The following DHX33 variants were observed in gnomAD, a reference collection of about 807,000 sequenced individuals.
The protein encoded by DHX33 is ATP-dependent RNA helicase DHX33.
DHX33 carries 42 observed loss-of-function variants against 72.5 expected under a neutral mutation model. That is an observed-to-expected ratio of 0.58 (90% CI 0.45 to 0.75). The LOEUF is 0.75. Ranked by LOEUF, DHX33 falls within the 30% of genes least tolerant of loss-of-function variation. The probability of loss-of-function intolerance (pLI) is 0.00; values close to 1 mark genes in which losing one functional copy is unlikely to be tolerated. For synonymous variants in DHX33, 358 were observed against 366.1 expected (o/e 0.98, Z 0.25); for missense variants, 842 against 917.5 (o/e 0.92, Z 1.06).
At chr17:5,453,234 C>T (rs1050150289) in intron 8 of DHX33, among the ~76,000 whole-genome samples, 2 of 152,238 alleles carry the variant, frequency 1.3e-5, no homozygotes, top group South Asian at 2.1e-4. Flanking sequence ...CAGAATCTAT[C>T]GTTTCATAGC....
At chr17:5,448,730 GC>G in intron 11 of DHX33, 78 bp downstream of exon 11, 1 of 1,020,976 alleles carries the variant, frequency 9.8e-7, no homozygotes, top group Non-Finnish European at 1.4e-6. Flanking sequence ...ATAATCACTA[GC>G]AATAAGCAAC....
chr17:5,463,331 G>A (rs1378276773), intron 2 of DHX33, among the ~76,000 whole-genome samples, 198 bp downstream of exon 2: 3 of 152,186 alleles, frequency 2.0e-5, no homozygotes, highest in Admixed American at 1.3e-4. Context: ...CCAACCTGAC[G>A]ACAGATTTTG....
chr17:5,454,077 C>T (rs1917083175), intron 6 of DHX33, 97 bp from the exon 7 acceptor site: 2 of 1,411,154 alleles, frequency 1.4e-6, no homozygotes, highest in African/African-American at 2.8e-5. Context: ...CTTTCAGCAA[C>T]ACGGGGGTCC....
chr17:5,458,781 G>A (rs1483774619), intron 4 of DHX33, among the ~76,000 whole-genome samples: 1 of 152,160 alleles, frequency 6.6e-6, no homozygotes, highest in Non-Finnish European at 1.5e-5. Context: ...GAAAGTAGGT[G>A]CCCTAAACAG....
intron 11 of DHX33, among the ~76,000 whole-genome samples, chr17:5,447,531 G>A (rs928853773): frequency 6.6e-6 from 1 of 152,116 alleles, no homozygotes; most frequent in African/African-American, 2.4e-5. Context: ...GGCTGAGGCA[G>A]GAGAATTGCT....
Position 5,442,152 on chromosome 17 carries a change from C to T in DHX33, c.*2053G>A, listed in dbSNP as rs915200357. ...CAATCCACCCACCTCAGCCTCCCAT[C>T]CCAATGCTGGGATTACAGGCATGAG... On this transcript the variant is annotated 3_prime_UTR_variant, in exon 12 of 12. Coordinates refer to ENST00000225296, the MANE Select transcript of DHX33 (RefSeq NM_020162.4). 1.8e-4 allele frequency: 27 copies of T among 152,144 alleles called. No homozygotes were observed. Among genetic ancestry groups the T allele is most frequent in the African/African-American group, 6.3e-4 (26 of 41,422 alleles). 9.4% of individuals were successfully genotyped at this position (152,144 alleles called of 1,614,324 possible).
intron 11 of DHX33, 82 bp downstream of exon 11, chr17:5,448,727 C>G: frequency 3.0e-6 from 3 of 984,418 alleles, no homozygotes; most frequent in Non-Finnish European, 4.4e-6. Flanking sequence ...TTTATAATCA[C>G]TAGCAATAAG....
intron 1 of DHX33, among the ~76,000 whole-genome samples, chr17:5,465,811 ACTCCCATTCTGAGCAGGG>A (rs1214050199): frequency 6.6e-6 from 1 of 152,134 alleles, no homozygotes; most frequent in Non-Finnish European, 1.5e-5. Flanking sequence ...AAGCCCAGTG[ACTCCCATTCTGAGCAGGG>A]CTCCTGAACC....
In DHX33 at chr17:5,468,927, C is replaced by A; in HGVS notation, c.-68G>T. ...CCTGCCCCCTCTCAGGTGCAGACAACAGGAGCACACCGCCCCTTCCTCGCC... is the reference window on the plus strand; with the variant it reads ...CCTGCCCCCTCTCAGGTGCAGACAAAAGGAGCACACCGCCCCTTCCTCGCC... On this transcript the variant is annotated 5_prime_UTR_variant, in exon 1 of 12. Coordinates refer to ENST00000225296, the MANE Select transcript of DHX33 (RefSeq NM_020162.4). The A allele has an allele frequency of 6.6e-7, 1 of 1,514,306 alleles. No individual in the cohort carries two copies. Among genetic ancestry groups the A allele is most frequent in the Non-Finnish European group, 8.9e-7 (1 of 1,121,456 alleles). 93.8% of individuals were successfully genotyped at this position (1,514,306 alleles called of 1,614,324 possible). A position where few individuals can be genotyped will look rare whatever the true frequency, so the allele number is the denominator to read the frequency against.
intron 11 of DHX33, among the ~76,000 whole-genome samples, chr17:5,446,273 C>G (rs746628074): frequency 6.6e-6 from 1 of 152,220 alleles, no homozygotes; most frequent in Non-Finnish European, 1.5e-5. Flanking sequence ...GCCACCACAC[C>G]TGGCCTGGAA....
At chr17:5,457,173 T>G (rs1904357440) in intron 4 of DHX33, among the ~76,000 whole-genome samples, 1 of 152,164 alleles carries the variant, frequency 6.6e-6, no homozygotes, top group Non-Finnish European at 1.5e-5. Context: ...CCAGGCGTGG[T>G]GGCGCACGCC....
In DHX33 at chr17:5,453,318, G is replaced by A. The variant is rs1435380926; in HGVS notation, c.1396+262C>T. On this transcript the variant is annotated intron_variant, in intron 8 of 11. Coordinates refer to ENST00000225296, the MANE Select transcript of DHX33 (RefSeq NM_020162.4). ...GCGGGGGGATCGCTGGAGCCCAGGA[G>A]TTGGAGGCTGTGATGGAGCCTGTGA... Among the ~76,000 whole-genome samples, 3 of 152,162 alleles carry A rather than the reference G, an allele frequency of 2.0e-5. No homozygotes were observed. The East Asian group carries it at 5.8e-4, about 29-fold the overall frequency.
intron 8 of DHX33, among the ~76,000 whole-genome samples, chr17:5,453,303 C>T (rs185452852): frequency 8.1e-4 from 123 of 152,226 alleles, no homozygotes; most frequent in South Asian, 3.9e-3. Flanking sequence ...GCGGGGGGAT[C>T]GCTGGAGCCC....
chr17:5,463,542 T>G lies in DHX33; in HGVS notation c.437A>C (p.Glu146Ala), dbSNP rs763067353. ...GGAACCAGGTACCAGCTTCCCAAGT[T>G]CAGTTCTCTTCTCATCTGAGACTCT... ...ATRVSDEKRT[E>A]LGKLVGYTVR... The change falls in exon 2 of 12, where the codon GAA (glutamate) becomes GCA (alanine). Residue 146 changes from glutamate (E) to alanine (A), a missense_variant. By Grantham distance (107) the Glu-to-Ala change is moderately radical. Coordinates refer to ENST00000225296, the MANE Select transcript of DHX33 (RefSeq NM_020162.4). 6.2e-7 allele frequency: 1 copy of G among 1,613,946 alleles called. No homozygotes were observed. Among genetic ancestry groups the G allele is most frequent in the Non-Finnish European group, 8.5e-7 (1 of 1,179,928 alleles).
chr17:5,463,025 G>A (rs888184132), intron 2 of DHX33, among the ~76,000 whole-genome samples: 1 of 151,950 alleles, frequency 6.6e-6, no homozygotes, highest in Admixed American at 6.6e-5. Flanking sequence ...GTTGCAGTGA[G>A]CCAAGATTGC....
At chr17:5,464,252 C>T (rs958041732) in intron 1 of DHX33, among the ~76,000 whole-genome samples, 22 of 152,120 alleles carry the variant, frequency 1.4e-4, no homozygotes, top group African/African-American at 5.1e-4. Flanking sequence ...ATTGCTTGAG[C>T]CTGAGAGGTT....
In DHX33 at chr17:5,441,449, T is replaced by TA. The variant is rs1916433615; in HGVS notation, c.*2755dup. On this transcript the variant is annotated 3_prime_UTR_variant, in exon 12 of 12. Transcript: ENST00000225296. ...CACGGGAGCTGGTGATTCTTCCAGA[T>TA]ATGGGTTTCGTAGGTTGGCAAAGAG... 1 of 152,200 alleles carries TA rather than the reference T, an allele frequency of 6.6e-6. No homozygotes were observed. Among genetic ancestry groups the TA allele is most frequent in the Non-Finnish European group, 1.5e-5 (1 of 68,036 alleles). 9.4% of individuals were successfully genotyped at this position (152,200 alleles called of 1,614,324 possible).
Position 5,468,964 on chromosome 17 carries a change from GCGGC to G in DHX33, c.-109_-106del. ...GCCCCTTCCTCGCCGCCACGTGCTG[GCGGC>G]TCCCGGCGACCACCGATGACCTCAC... On this transcript the variant is annotated 5_prime_UTR_variant, in exon 1 of 12. Transcript: ENST00000225296. 11 of 725,802 alleles carry G rather than the reference GCGGC, an allele frequency of 1.5e-5. No homozygotes were observed. The highest frequency in any genetic ancestry group is 6.0e-5 in the South Asian group (3 of 49,620). 45.0% of individuals were successfully genotyped at this position (725,802 alleles called of 1,614,324 possible). A position where few individuals can be genotyped will look rare whatever the true frequency, so the allele number is the denominator to read the frequency against.
rs1485332920 is a variant in DHX33, at chr17:5,442,371, A to AAAAG, written c.*1833_*1834insCTTT. On this transcript the variant is annotated 3_prime_UTR_variant, in exon 12 of 12. Coordinates refer to ENST00000225296, the MANE Select transcript of DHX33 (RefSeq NM_020162.4). ...CTGGAAAACAAAAAACAAAAAACAAAAACTGGAAAACTTTTCAGAAAGTCA... is the reference window on the plus strand; with the variant it reads ...CTGGAAAACAAAAAACAAAAAACAAAAAAGAACTGGAAAACTTTTCAGAAAGTCA... 1 of 152,020 alleles carries AAAAG rather than the reference A, an allele frequency of 6.6e-6. No homozygotes were observed. The highest frequency in any genetic ancestry group is 1.5e-5 in the Non-Finnish European group (1 of 68,028). The allele number at this position is 152,020 out of a possible 1,614,324, so 9.4% of individuals were successfully genotyped here. A position where few individuals can be genotyped will look rare whatever the true frequency, so the allele number is the denominator to read the frequency against.
Sources: gnomAD v4.1 joint callset for allele counts (sites outside exome capture counted in the v4.1 genomes callset) on GRCh38, gnomAD v4.1.1 for gene constraint, MANE v1.5 for transcripts, NCBI Gene and HGNC (gene_info 2026-07-23, HGNC 2026-07-21) for gene names.